Variants in CFAP52 observed in about 807,000 individuals in gnomAD.
CFAP52 encodes cilia and flagella associated protein 52.
In CFAP52, 57 loss-of-function variants were observed where a neutral mutation model predicts 70.5. The observed-to-expected ratio is 0.81, with a 90% CI of 0.65 to 1.01. The LOEUF (loss-of-function observed/expected upper bound fraction) is 1.01, where lower values mean the gene tolerates loss of function less well. CFAP52 is among the 50% of genes least tolerant of loss of function. The probability of loss-of-function intolerance (pLI) is 0.00; values close to 1 mark genes in which losing one functional copy is unlikely to be tolerated. For synonymous variants in CFAP52, 267 were observed against 292.5 expected, an observed-to-expected ratio of 0.91 and a Z score of 0.89; for missense variants, 785 against 788.5, an observed-to-expected ratio of 1.00 and a Z score of 0.05.
At chr17:9,645,483 C>A, downstream of CFAP52, 1 of 758,702 alleles carries the variant, frequency 1.3e-6, no homozygotes, top group Non-Finnish European at 1.7e-6. This position sits in a 1 kb window ranked among gnomAD's most constrained non-coding sequence, Gnocchi z 6.8. Context: ...GCGGGGCTGC[C>A]CCGCCCTTGG....
rs560625015 is a variant in CFAP52 at position 9,632,025 on chromosome 17, G to A, written c.1175-863G>A. ...TGTCCTCAAGTGATCCGCCTGCCTT[G>A]GCCTCCCAAAGCGCTGGGATTACAG... On this transcript the variant is annotated intron_variant, in intron 9 of 13. Transcript: ENST00000352665. Among the ~76,000 whole-genome samples, 118 of 151,472 alleles carry A rather than the reference G, an allele frequency of 7.8e-4. No homozygotes were observed. The South Asian group carries it at 0.02, about 26-fold the overall frequency.
chr17:9,598,236 G>A lies in CFAP52; in HGVS notation c.539G>A (p.Gly180Glu), dbSNP rs1390964889. Residue 180 changes from glycine (G) to glutamate (E), a missense_variant and splice_region_variant, in exon 5 of 14, where the codon GGG becomes GAG. Transcript: ENST00000352665. ...RDEMFMTAGN[G>E]TIRVWELDLP... The stretch of plus-strand genomic sequence containing the variant: ...TTTTGTTTTTTTTTTTTACATAGTG[G>A]GACAATTCGAGTATGGGAATTGGAT... 2 of 1,607,258 alleles carry A rather than the reference G, an allele frequency of 1.2e-6. No individual in the cohort carries two copies. The highest frequency in any genetic ancestry group is 1.7e-6 in the Non-Finnish European group (2 of 1,177,804).
chr17:9,631,564 G>A (rs981031868), intron 9 of CFAP52, among the ~76,000 whole-genome samples: 1 of 152,100 alleles, frequency 6.6e-6, no homozygotes, highest in Non-Finnish European at 1.5e-5. Context: ...GAGGGAGATC[G>A]CTTGGTGGAT....
intron 6 of CFAP52, 37 bp from the exon 7 acceptor site, chr17:9,608,082 T>C (rs753377994): frequency 6.4e-7 from 1 of 1,559,794 alleles, no homozygotes. Context: ...ATTTGTGAGA[T>C]TTTTGTGCTT....
chr17:9,631,028 A>G (rs78189361), intron 9 of CFAP52, among the ~76,000 whole-genome samples: 3,995 of 44,160 alleles, frequency 0.09, 335 homozygotes, highest in East Asian at 0.24. Context: ...GAAAGAAAGA[A>G]AGAGAGAGAG....
intron 6 of CFAP52, among the ~76,000 whole-genome samples, chr17:9,604,733 CA>C (rs1018140580): frequency 2.0e-5 from 3 of 149,526 alleles, no homozygotes; most frequent in African/African-American, 7.4e-5. Context: ...CTGGGGGACA[CA>C]GCAAGACTCT....
intron 11 of CFAP52, among the ~76,000 whole-genome samples, chr17:9,637,522 G>A (rs966838837): frequency 1.1e-4 from 16 of 152,286 alleles, no homozygotes; most frequent in Admixed American, 9.8e-4. Context: ...AAGGAGAAGC[G>A]ATATTTACAT....
intron 6 of CFAP52, among the ~76,000 whole-genome samples, chr17:9,606,475 C>G (rs1436533119): frequency 6.6e-6 from 1 of 152,120 alleles, no homozygotes; most frequent in Non-Finnish European, 1.5e-5. Context: ...AAACCCCTTC[C>G]TTAAATGATC....
intron 10 of CFAP52, among the ~76,000 whole-genome samples, chr17:9,635,075 T>C (rs1935883784): frequency 6.6e-6 from 1 of 152,136 alleles, no homozygotes; most frequent in African/African-American, 2.4e-5. Flanking sequence ...TCAGCAAAAG[T>C]GAATAGACAT....
chr17:9,629,355 C>T (rs1435589561), intron 9 of CFAP52, among the ~76,000 whole-genome samples: 1 of 152,022 alleles, frequency 6.6e-6, no homozygotes, highest in African/African-American at 2.4e-5. Context: ...TGTAAGTCTC[C>T]CCAGTGCTCA....
intron 6 of CFAP52, among the ~76,000 whole-genome samples, 161 bp downstream of exon 6, chr17:9,600,344 C>T (rs1012744503): frequency 2.6e-5 from 4 of 152,060 alleles, no homozygotes; most frequent in South Asian, 2.1e-4. Context: ...CAGGTTCAAG[C>T]GATTGTCCCA....
intron 9 of CFAP52, 113 bp downstream of exon 9, chr17:9,628,933 G>A: frequency 6.9e-7 from 1 of 1,453,408 alleles, no homozygotes; most frequent in Non-Finnish European, 9.4e-7. Context: ...GCCTCCCACT[G>A]TCCACCCCCT....
In CFAP52 at chr17:9,616,590, C is replaced by A. The variant is rs1191337262; in HGVS notation, c.1025+4111C>A. 4.1e-3 allele frequency among the ~76,000 whole-genome samples: 588 copies of A among 144,416 alleles called. 1 individual carries two copies. The highest frequency in any genetic ancestry group is 0.014 in the African/African-American group (485 of 35,188). The allele number at this position is 144,416 out of a possible 152,430, so 94.7% of individuals were successfully genotyped here. On this transcript the variant is annotated intron_variant, in intron 8 of 13. Coordinates refer to ENST00000352665, the MANE Select transcript of CFAP52 (RefSeq NM_145054.5). ...GACAGCAGTAACCTCTGCAGACTTA[C>A]GTGTCCCTGTCTGACAGCTTTGAAG...
chr17:9,582,055 G>A (rs1288189708), intron 1 of CFAP52, among the ~76,000 whole-genome samples: 4 of 152,140 alleles, frequency 2.6e-5, no homozygotes, highest in Non-Finnish European at 5.9e-5. Context: ...AGCCAGAGTT[G>A]ACTCTTCTAG....
Position 9,612,291 on chromosome 17 carries a change from T to C in CFAP52, c.855-18T>C. 6.2e-7 allele frequency: 1 copy of C among 1,612,218 alleles called. No individual in the cohort carries two copies. Among genetic ancestry groups the C allele is most frequent in the East Asian group, 2.2e-5 (1 of 44,830 alleles). On this transcript the variant is annotated intron_variant, in intron 7 of 13. Coordinates refer to ENST00000352665, the MANE Select transcript of CFAP52 (RefSeq NM_145054.5). ...CTGGTTGAGTGAATCTACTTTACTT[T>C]TGTGCTTCTCCCTAAAGGAAGATTC...
chr17:9,594,518 T>C (rs1908913922), intron 4 of CFAP52, 197 bp downstream of exon 4: 9 of 578,492 alleles, frequency 1.6e-5, no homozygotes, highest in Non-Finnish European at 2.3e-5. Context: ...TAAAATTCTG[T>C]GATTGCTGCT....
At chr17:9,638,063 C>T (rs146809968) in intron 11 of CFAP52, among the ~76,000 whole-genome samples, 72 of 152,234 alleles carry the variant, frequency 4.7e-4, no homozygotes, top group African/African-American at 1.6e-3. Flanking sequence ...TCGTGCTTTC[C>T]GAGGGTTGTG....
Position 9,586,023 on chromosome 17 carries a change from T to C in CFAP52, c.270+51T>C, listed in dbSNP as rs771106495. The C allele has an allele frequency of 7.6e-6, 12 of 1,579,962 alleles. No homozygotes were observed. In the African/African-American group the frequency reaches 1.5e-4, roughly 20 times the overall value. ...GTCAATTTATCTAGAGGTGCCTCCC[T>C]AGAAGAACTGCCCCACTTCAAGTTG... is the stretch of plus-strand genomic sequence containing the variant. On this transcript the variant is annotated intron_variant, in intron 2 of 13. Coordinates refer to ENST00000352665, the MANE Select transcript of CFAP52 (RefSeq NM_145054.5).
intron 1 of CFAP52, among the ~76,000 whole-genome samples, chr17:9,582,445 A>G (rs943091853): frequency 6.6e-6 from 1 of 152,084 alleles, no homozygotes; most frequent in Non-Finnish European, 1.5e-5. Context: ...TGGGTTTTGA[A>G]TTTCCTTCAG....
Sources: allele counts gnomAD v4.1 joint callset (sites outside exome capture counted in the v4.1 genomes callset), GRCh38; gene constraint gnomAD v4.1.1; non-coding constraint Gnocchi (gnomAD v3.1); transcripts MANE v1.5; gene names NCBI Gene and HGNC (gene_info 2026-07-23, HGNC 2026-07-21).